The following ARID1B variants were observed in gnomAD, a reference collection of about 807,000 sequenced individuals.
The protein encoded by ARID1B is AT-rich interaction domain 1B.
Under a neutral mutation model 212.3 loss-of-function variants are expected in ARID1B, and 30 were observed. The ratio of observed to expected loss-of-function variants is 0.14; its 90% CI spans 0.11 to 0.19. The LOEUF is 0.19. Ranked by LOEUF, ARID1B falls within the 10% of genes least tolerant of loss-of-function variation. ARID1B has a pLI of 1.00. For synonymous variants in ARID1B, 1,402 were observed against 1,301.7 expected (o/e 1.08, Z -1.66); for missense variants, 2,891 against 3,204.0 (o/e 0.90, Z 2.36).
rs151192374 is a variant in ARID1B, at chr6:157,052,905, A to C, written c.2248-31757A>C. ...CAACTAATTTTTGTATTTTTAGTAG[A>C]GACGGGGTTTCACCATGTTGGCCAG... On this transcript the variant is annotated intron_variant, in intron 4 of 19. Coordinates refer to ENST00000636930, the MANE Select transcript of ARID1B (RefSeq NM_001374828.1). Among the ~76,000 whole-genome samples, 8 of 151,504 alleles carry C rather than the reference A, an allele frequency of 5.3e-5. No individual in the cohort carries two copies. In the East Asian group the frequency reaches 1.2e-3, roughly 22 times the overall value.
intron 4 of ARID1B, among the ~76,000 whole-genome samples, chr6:157,048,687 C>A (rs1782396301): frequency 6.6e-6 from 1 of 152,152 alleles, no homozygotes; most frequent in East Asian, 1.9e-4. Flanking sequence ...TAATAAATAT[C>A]ATATCTTGTT....
intron 4 of ARID1B, among the ~76,000 whole-genome samples, chr6:157,021,908 C>G (rs954960085): frequency 1.3e-5 from 2 of 152,224 alleles, no homozygotes; most frequent in Non-Finnish European, 2.9e-5. Context: ...GCCGCGCGCC[C>G]CTAACCTCTG....
intron 5 of ARID1B, among the ~76,000 whole-genome samples, chr6:157,097,645 T>G (rs770277340): frequency 4.0e-5 from 6 of 151,772 alleles, no homozygotes; most frequent in Non-Finnish European, 8.8e-5. Flanking sequence ...TGGAGGCGAG[T>G]GAAACTTTGA....
chr6:156,897,255 CTTCTTCTTCTTATTATTA>C (rs1478514721), intron 2 of ARID1B, among the ~76,000 whole-genome samples: 3 of 90,210 alleles, frequency 3.3e-5, no homozygotes, highest in East Asian at 2.9e-4. Flanking sequence ...TCTTCTTCTT[CTTCTTCTTCTTATTATTA>C]TTATTATTAT....
At chr6:156,829,557 T>C in intron 2 of ARID1B, 136 bp downstream of exon 2, 1 of 1,016,586 alleles carries the variant, frequency 9.8e-7, no homozygotes, top group Non-Finnish European at 1.4e-6. Flanking sequence ...ATTGTTTCTT[T>C]AATCACAGGT....
At chr6:156,933,962 A>C (rs559207283) in intron 3 of ARID1B, among the ~76,000 whole-genome samples, 1 of 152,342 alleles carries the variant, frequency 6.6e-6, no homozygotes, top group South Asian at 2.1e-4. Context: ...TTCCTGGCTT[A>C]AGAAGCCATG....
chr6:157,139,324 A>C (rs1311855325), intron 7 of ARID1B, among the ~76,000 whole-genome samples: 1 of 152,132 alleles, frequency 6.6e-6, no homozygotes, highest in Admixed American at 6.5e-5. Flanking sequence ...ATGCAGCTTC[A>C]CTTGCCCTCT....
At chr6:156,975,602 A>ATTTTTTTTTTTTTTTTTTTTTTTTT (rs57649427) in intron 4 of ARID1B, among the ~76,000 whole-genome samples, 2 of 86,312 alleles carry the variant, frequency 2.3e-5, no homozygotes, top group African/African-American at 4.7e-5. Flanking sequence ...GTTTGACTGT[A>ATTTTTTTTTTTTTTTTTTTTTTTTT]TTTTTTTTTT....
chr6:156,938,786 T>G (rs1792453943), intron 4 of ARID1B: 1 of 152,244 alleles, frequency 6.6e-6, no homozygotes, highest in South Asian at 2.1e-4. Context: ...ATGCTACATC[T>G]ATACTTTGAT....
intron 12 of ARID1B, 98 bp downstream of exon 12, chr6:157,181,276 A>C: frequency 7.0e-7 from 1 of 1,424,876 alleles, no homozygotes; most frequent in Non-Finnish European, 9.6e-7. Flanking sequence ...TTTTCTCACA[A>C]AGGAAAAGCT....
intron 11 of ARID1B, among the ~76,000 whole-genome samples, chr6:157,179,011 A>G (rs1792317057): frequency 6.6e-6 from 1 of 152,244 alleles, no homozygotes; most frequent in Non-Finnish European, 1.5e-5. Flanking sequence ...TCTTATCTTT[A>G]AACTGAATCT....
intron 3 of ARID1B, among the ~76,000 whole-genome samples, chr6:156,903,815 C>T (rs893337059): frequency 6.6e-6 from 1 of 152,080 alleles, no homozygotes; most frequent in African/African-American, 2.4e-5. Context: ...GCAGTCTTTC[C>T]TTTTGTTTTC....
intron 3 of ARID1B, among the ~76,000 whole-genome samples, chr6:156,907,905 C>CAA (rs1210631219): frequency 4.6e-4 from 34 of 74,418 alleles, no homozygotes; most frequent in South Asian, 1.1e-3. Context: ...AAGACTGTCT[C>CAA]AAAAAAAAAA....
At chr6:157,123,693 A>T (rs975571722) in intron 6 of ARID1B, among the ~76,000 whole-genome samples, 1 of 152,246 alleles carries the variant, frequency 6.6e-6, no homozygotes, top group Admixed American at 6.5e-5. Flanking sequence ...TAGTTTGGAA[A>T]CTTGGAGTCA....
intron 4 of ARID1B, among the ~76,000 whole-genome samples, chr6:157,032,970 G>A (rs1781105125): frequency 6.6e-6 from 1 of 152,046 alleles, no homozygotes; most frequent in South Asian, 2.1e-4. Flanking sequence ...TTCTATGTTC[G>A]ACTATACAGT....
intron 4 of ARID1B, among the ~76,000 whole-genome samples, chr6:157,060,021 G>A (rs1022726671): frequency 4.6e-5 from 7 of 152,152 alleles, no homozygotes; most frequent in Non-Finnish European, 8.8e-5. Context: ...CAGGGCACTT[G>A]AATTTCTAAT....
chr6:156,945,404 C>T (rs1258818798), intron 4 of ARID1B, among the ~76,000 whole-genome samples: 7 of 151,820 alleles, frequency 4.6e-5, no homozygotes, highest in East Asian at 1.9e-4. Context: ...AAGCCATGTC[C>T]GCTCCTCAGG....
chr6:156,867,450 CATG>C (rs1034313521), intron 2 of ARID1B, among the ~76,000 whole-genome samples: 1 of 152,132 alleles, frequency 6.6e-6, no homozygotes, highest in Non-Finnish European at 1.5e-5. Flanking sequence ...ATGTGAGAGG[CATG>C]ATAAGTACAC....
intron 1 of ARID1B, among the ~76,000 whole-genome samples, chr6:156,801,605 T>A (rs1780793468): frequency 6.6e-6 from 1 of 152,102 alleles, no homozygotes; most frequent in Non-Finnish European, 1.5e-5. Context: ...CAAGGAAAGA[T>A]TTTTTCCTCT....
Sources: gnomAD v4.1 joint callset for allele counts (sites outside exome capture counted in the v4.1 genomes callset) on GRCh38, gnomAD v4.1.1 for gene constraint, MANE v1.5 for transcripts, NCBI Gene and HGNC (gene_info 2026-07-23, HGNC 2026-07-21) for gene names.